WDFY3: variants seen among roughly 807,000 people sequenced by gnomAD.
The protein encoded by WDFY3 is WD repeat and FYVE domain-containing protein 3.
WDFY3 carries 66 observed loss-of-function variants against 409.6 expected under a neutral mutation model. The ratio of observed to expected loss-of-function variants is 0.16; its 90% CI spans 0.13 to 0.20. WDFY3 has a LOEUF of 0.20. Ranked by LOEUF, WDFY3 falls within the 10% of genes least tolerant of loss-of-function variation. WDFY3 has a pLI of 1.00. For synonymous variants in WDFY3, 1,521 were observed against 1,537.1 expected, an observed-to-expected ratio of 0.99 and a Z score of 0.25; for missense variants, 3,031 against 4,298.1, an observed-to-expected ratio of 0.71 and a Z score of 8.24.
intron 2 of WDFY3, among the ~76,000 whole-genome samples, chr4:84,897,326 T>C (rs1299625612): frequency 6.6e-6 from 1 of 152,182 alleles, no homozygotes; most frequent in East Asian, 1.9e-4. Context: ...CTATAAACTT[T>C]TCAGCTTGTT....
intron 13 of WDFY3, 99 bp from the exon 14 acceptor site, chr4:84,810,443 C>A: frequency 9.5e-7 from 1 of 1,049,926 alleles, no homozygotes; most frequent in Non-Finnish European, 1.3e-6. Flanking sequence ...TTCTGTGAAT[C>A]TGACATGTTT....
At position 84,684,031 on chromosome 4, in the gene WDFY3, T is replaced by G. The variant is rs759890166; in HGVS notation, c.9638A>C (p.Gln3213Pro). Residue 3213 changes from glutamine to proline, a missense_variant, in exon 63 of 68, where the codon CAG becomes CCG. This residue lies in a region of WDFY3 where 378 missense variants were observed against 477.3 expected (regional missense o/e 0.79). Coordinates refer to ENST00000295888, the MANE Select transcript of WDFY3 (RefSeq NM_014991.6). ...VSVNTFTGRS[Q>P]QIICCCMSEM... is the part of the protein sequence containing the mutation. ...CGACATGCAGCAGCAGATGATCTGC[T>G]GGCTCCTACCTGTGAACGTGTTGAC... is the stretch of plus-strand genomic sequence containing the variant. The G allele has an allele frequency of 6.2e-7, 1 of 1,613,932 alleles. No individual in the cohort carries two copies. The highest frequency in any genetic ancestry group is 1.1e-5 in the South Asian group (1 of 91,062).
rs1314349762 is a variant in WDFY3 at position 84,715,398 on chromosome 4, G to A, written c.7876-15C>T. On this transcript the variant is annotated splice_polypyrimidine_tract_variant and intron_variant, in intron 49 of 67. Transcript: ENST00000295888. ...ACAGCAATAGGCTGAAATGATCAGAGAGAAAAACATTAAGAAAAAACAGAA... is the reference window on the plus strand; with the variant it reads ...ACAGCAATAGGCTGAAATGATCAGAAAGAAAAACATTAAGAAAAAACAGAA... 1 of 1,413,898 alleles carries A rather than the reference G, an allele frequency of 7.1e-7. No homozygotes were observed. Among genetic ancestry groups the A allele is most frequent in the South Asian group, 1.2e-5 (1 of 83,430 alleles). The allele number at this position is 1,413,898 out of a possible 1,614,324, so 87.6% of individuals were successfully genotyped here.
rs757073200 is a variant in WDFY3, at chr4:84,810,334, G to C, written c.1898C>G (p.Ser633Trp). Residue 633 changes from serine to tryptophan, a missense_variant, in exon 14 of 68, where the codon TCG becomes TGG. Physicochemically the swap from Ser to Trp is radical, Grantham distance 177 (BLOSUM62 -3). Transcript: ENST00000295888. ...TGAACGATGGCTTTCTCGAAGGACCGACAGGAGGGCCTACAGGAGACAAAA... is the reference window on the plus strand; with the variant it reads ...TGAACGATGGCTTTCTCGAAGGACCCACAGGAGGGCCTACAGGAGACAAAA... ...LKTDILRALL[S>W]VLRESHRSRT... 1 of 1,588,326 alleles carries C rather than the reference G, an allele frequency of 6.3e-7. No homozygotes were observed. Among genetic ancestry groups the C allele is most frequent in the South Asian group, 1.1e-5 (1 of 88,920 alleles).
At chr4:84,941,873 T>C (rs1305339463) in intron 1 of WDFY3, among the ~76,000 whole-genome samples, 1 of 151,818 alleles carries the variant, frequency 6.6e-6, no homozygotes, top group Non-Finnish European at 1.5e-5. Flanking sequence ...CACACAAACA[T>C]GGTCAATTGA....
At chr4:84,886,935 A>C (rs1328045574) in intron 3 of WDFY3, among the ~76,000 whole-genome samples, 1 of 152,168 alleles carries the variant, frequency 6.6e-6, no homozygotes, top group African/African-American at 2.4e-5. Flanking sequence ...TCTTCTTATG[A>C]ATATATGATG....
rs1236901064 is a variant in WDFY3 at position 84,820,180 on chromosome 4, G to C, written c.1598C>G (p.Ser533Ter). The C allele has an allele frequency of 6.2e-7, 1 of 1,605,410 alleles. No homozygotes were observed. Among genetic ancestry groups the C allele is most frequent in the Non-Finnish European group, 8.5e-7 (1 of 1,175,940 alleles). Reference protein sequence around the residue: ...PTQALNEQGDSRNNSSVEDQK... With the variant: ...PTQALNEQGD ...GTCTTCAACTGAACTATTATTTCTT[G>C]AGTCCCCTAAAAAAAGGTTCAAAGG... The change falls in exon 12 of 68, where the codon TCA (serine) becomes TGA (stop). Residue 533 changes from serine to a stop codon, truncating the protein, a stop_gained. Coordinates refer to ENST00000295888, the MANE Select transcript of WDFY3 (RefSeq NM_014991.6). LOFTEE classifies it high-confidence loss of function.
intron 3 of WDFY3, among the ~76,000 whole-genome samples, chr4:84,868,170 TC>T: frequency 2.4e-5 from 1 of 42,052 alleles, no homozygotes; most frequent in African/African-American, 1.2e-4. Flanking sequence ...AGACTCTGTC[TC>T]AAAAAAAAAA....
intron 57 of WDFY3, 83 bp from the exon 58 acceptor site, chr4:84,696,265 T>C (rs985659056): frequency 5.5e-6 from 7 of 1,277,304 alleles, no homozygotes; most frequent in Admixed American, 2.1e-5. Flanking sequence ...AAGTGGTTAA[T>C]AGGAACTAAA....
chr4:84,754,084 C>T (rs1327039071), intron 34 of WDFY3, among the ~76,000 whole-genome samples: 1 of 152,072 alleles, frequency 6.6e-6, no homozygotes, highest in Non-Finnish European at 1.5e-5. Context: ...CCCTTAGAAA[C>T]TGATAGGATC....
intron 1 of WDFY3, among the ~76,000 whole-genome samples, chr4:84,962,726 T>C (rs1775066514): frequency 6.7e-6 from 1 of 149,048 alleles, no homozygotes; most frequent in Non-Finnish European, 1.5e-5. Context: ...CAGGTTGGAG[T>C]GCGGTGGCGC....
At chr4:84,912,348 A>G (rs909631601) in intron 2 of WDFY3, among the ~76,000 whole-genome samples, 10 of 152,240 alleles carry the variant, frequency 6.6e-5, no homozygotes, top group Non-Finnish European at 1.5e-4. Flanking sequence ...AAACTGGTGA[A>G]GCCATCACTG....
At chr4:84,846,710 C>T (rs537896972) in intron 5 of WDFY3, among the ~76,000 whole-genome samples, 5 of 150,960 alleles carry the variant, frequency 3.3e-5, no homozygotes, top group South Asian at 2.1e-4. Flanking sequence ...TGCTTGTAAA[C>T]GTATTTTTAA....
chr4:84,836,569 C>T (rs1756603273), intron 7 of WDFY3, among the ~76,000 whole-genome samples: 2 of 151,828 alleles, frequency 1.3e-5, no homozygotes, highest in African/African-American at 4.8e-5. Context: ...TGTATATAAA[C>T]AGCAACTAGA....
intron 62 of WDFY3, among the ~76,000 whole-genome samples, chr4:84,685,836 C>G (rs1728214324): frequency 6.6e-6 from 1 of 152,140 alleles, no homozygotes; most frequent in African/African-American, 2.4e-5. Context: ...TACACTGGCT[C>G]AAATAACAAC....
chr4:84,734,642 T>A (rs1403606049), intron 43 of WDFY3, among the ~76,000 whole-genome samples: 1 of 152,228 alleles, frequency 6.6e-6, no homozygotes, highest in East Asian at 1.9e-4. Flanking sequence ...TCATTCAATC[T>A]TGTAATTTTT....
intron 3 of WDFY3, among the ~76,000 whole-genome samples, chr4:84,868,208 A>G (rs947685332): frequency 8.9e-5 from 8 of 90,066 alleles, no homozygotes; most frequent in African/African-American, 2.4e-4. Flanking sequence ...AAAAAAAAAG[A>G]TTTATAAGCA....
rs1362197428 is a variant in WDFY3, at chr4:84,692,493, G to A, written c.9049+392C>T. ...GATAAAACACAGATGTCTTTTCATT[G>A]GCATACTAAAAATGTGTTCTTTTAC... On this transcript the variant is annotated intron_variant, in intron 59 of 67. Transcript: ENST00000295888. Among the ~76,000 whole-genome samples, 3 of 151,290 alleles carry A rather than the reference G, an allele frequency of 2.0e-5. No homozygotes were observed. The East Asian group carries it at 5.8e-4, about 29-fold the overall frequency.
Position 84,809,896 on chromosome 4 carries a change from G to T in WDFY3, c.2336C>A (p.Ser779Tyr). 6.2e-7 allele frequency: 1 copy of T among 1,613,792 alleles called. No homozygotes were observed. The highest frequency in any genetic ancestry group is 8.5e-7 in the Non-Finnish European group (1 of 1,179,872). The change falls in exon 14 of 68, where the codon TCT becomes TAT. Residue 779 changes from serine to tyrosine, a missense_variant. Ser to Tyr is a moderately radical substitution (Grantham distance 144). This residue lies in a region of WDFY3 where 1,322 missense variants were observed against 1,697.9 expected (regional missense o/e 0.78). Transcript: ENST00000295888. Reference protein sequence around the residue: ...FIYLYKVATDSFDSRAEQIPP... With the variant: ...FIYLYKVATDYFDSRAEQIPP... ...CAGAGCAGAGCCATACCTGTCAAAA[G>T]AATCTGTGGCTACTTTGTAAAGATA... is the stretch of plus-strand genomic sequence containing the variant.
Sources: gnomAD v4.1 joint callset for allele counts (sites outside exome capture counted in the v4.1 genomes callset) on GRCh38, gnomAD v4.1.1 for gene constraint, gnomAD v4.1.1 regional missense constraint, MANE v1.5 for transcripts, NCBI Gene and HGNC (gene_info 2026-07-23, HGNC 2026-07-21) for gene names.